NCBP2: variants seen among roughly 807,000 people sequenced by gnomAD.
The protein encoded by NCBP2 is nuclear cap binding protein subunit 2, also known as nuclear cap-binding protein subunit 2.
NCBP2 carries 8 observed loss-of-function variants against 21.5 expected under a neutral mutation model. The ratio of observed to expected loss-of-function variants is 0.37; its 90% CI spans 0.22 to 0.67. NCBP2 has a LOEUF of 0.67. NCBP2 is among the 30% of genes least tolerant of loss of function. The probability of loss-of-function intolerance (pLI) is 0.56; values close to 1 mark genes in which losing one functional copy is unlikely to be tolerated. For missense variants in NCBP2, 127 were observed against 206.9 expected (o/e 0.61, Z 2.37); for synonymous variants, 92 against 75.8 (o/e 1.21, Z -1.11).
At chr3:196,941,687 C>G (rs1022635475) in intron 1 of NCBP2, 1 of 586,500 alleles carries the variant, frequency 1.7e-6, no homozygotes, top group South Asian at 2.1e-5. Flanking sequence ...CCCGCCAACC[C>G]CCAACCGTAT....
At chr3:196,939,102 A>G in intron 2 of NCBP2, 149 bp downstream of exon 2, 1 of 603,448 alleles carries the variant, frequency 1.7e-6, no homozygotes, top group Non-Finnish European at 2.9e-6. Flanking sequence ...AAATAGTATC[A>G]GCTTTACAGT....
chr3:196,937,529 C>T lies in NCBP2; in HGVS notation c.380G>A (p.Arg127His). The change falls in exon 3 of 4, where the codon CGT becomes CAT. Residue 127 changes from arginine (R) to histidine (H), a missense_variant. Physicochemically the swap from Arg to His is conservative, Grantham distance 29. Coordinates refer to ENST00000321256, the MANE Select transcript of NCBP2 (RefSeq NM_007362.5). ...GCATACCTGGCCCCCAGATCGCCCA[C>T]GGCCGTATTGCCTGCCCTCCTTAAA... The part of the protein sequence containing the change: ...AGFKEGRQYG[R>H]GRSGGQVRDE... 1 of 1,614,150 alleles carries T rather than the reference C, an allele frequency of 6.2e-7. No homozygotes were observed. Among genetic ancestry groups the T allele is most frequent in the Non-Finnish European group, 8.5e-7 (1 of 1,180,036 alleles).
chr3:196,937,157 G>T, intron 3 of NCBP2, 75 bp from the exon 4 acceptor site: 2 of 1,370,314 alleles, frequency 1.5e-6, no homozygotes, highest in Non-Finnish European at 2.1e-6. Context: ...AAACATGTTA[G>T]ACAAACAGTG....
At chr3:196,942,228 G>A in intron 1 of NCBP2, 198 bp downstream of exon 1, 1 of 1,461,804 alleles carries the variant, frequency 6.8e-7, no homozygotes, top group South Asian at 1.4e-5. Context: ...CCAGTTCCCC[G>A]TCTTCCAGAG....
At chr3:196,937,113 T>C (rs371947037) in intron 3 of NCBP2, 31 bp from the exon 4 acceptor site, 96 of 1,601,514 alleles carry the variant, frequency 6.0e-5, no homozygotes, top group Non-Finnish European at 7.3e-5. Context: ...AGTTACAGTA[T>C]GGAAAAGAAT....
chr3:196,942,251 G>A, intron 1 of NCBP2, 175 bp downstream of exon 1: 1 of 1,477,004 alleles, frequency 6.8e-7, no homozygotes, highest in Non-Finnish European at 9.0e-7. Flanking sequence ...AGTGGCTTCA[G>A]TGATATCCAA....
Position 196,937,633 on chromosome 3 carries a change from T to C in NCBP2, c.276A>G (p.Ala92=), listed in dbSNP as rs745449455. The C allele has an allele frequency of 4.3e-5, 69 of 1,614,074 alleles. No homozygotes were observed. The highest frequency in any genetic ancestry group is 5.8e-5 in the Non-Finnish European group (68 of 1,180,040). The part of the protein sequence containing the change: ...GFCFVEYYSR[A]DAENAMRYIN... ...TGTACCGCATGGCGTTTTCCGCATC[T>C]GCGCGTGAGTAATATCTTAAGTATT... is the stretch of plus-strand genomic sequence containing the variant. The change falls in exon 3 of 4, where the codon GCA becomes GCG. Residue 92 remains alanine, a synonymous_variant. Coordinates refer to ENST00000321256, the MANE Select transcript of NCBP2 (RefSeq NM_007362.5).
chr3:196,935,930 A>G lies in NCBP2; in HGVS notation c.*1081T>C, dbSNP rs1215853129. ...TCAGTAGGTAAAATTTGAGGAAAAA[A>G]ATGAGAAATGGCTAAAAGAGGCATC... On this transcript the variant is annotated 3_prime_UTR_variant, in exon 4 of 4. Transcript: ENST00000321256. 6.6e-6 allele frequency: 1 copy of G among 152,218 alleles called. No individual in the cohort carries two copies. The highest frequency in any genetic ancestry group is 1.5e-5 in the Non-Finnish European group (1 of 68,052). The allele number at this position is 152,218 out of a possible 1,614,324, so 9.4% of individuals were successfully genotyped here.
At chr3:196,937,916 G>T (rs1716343676) in intron 2 of NCBP2, 2 of 442,934 alleles carry the variant, frequency 4.5e-6, no homozygotes, top group South Asian at 4.8e-5. Flanking sequence ...ATTTTGGTTT[G>T]CAAGTTTAGA....
intron 1 of NCBP2, chr3:196,942,083 C>T (rs1716613711): frequency 4.0e-6 from 6 of 1,510,878 alleles, no homozygotes; most frequent in African/African-American, 1.4e-5. Context: ...GAAGGGCACC[C>T]CTCCCCCTTG....
At chr3:196,941,825 C>T in intron 1 of NCBP2, 3 of 1,304,874 alleles carry the variant, frequency 2.3e-6, no homozygotes, top group Admixed American at 4.5e-5. Flanking sequence ...AGCAATTCTC[C>T]GATCTTTACA....
chr3:196,942,014 A>C (rs1716608820), intron 1 of NCBP2: 1 of 1,536,102 alleles, frequency 6.5e-7, no homozygotes. Context: ...GATTTAAAAA[A>C]CAAAGCAAAA....
At position 196,936,982 on chromosome 3, in the gene NCBP2, G is replaced by A. The variant is rs1560168444; in HGVS notation, c.*29C>T. The A allele has an allele frequency of 2.5e-6, 4 of 1,607,476 alleles. No homozygotes were observed. Among genetic ancestry groups the A allele is most frequent in the Non-Finnish European group, 8.5e-7 (1 of 1,173,922 alleles). ...TCAGCAAATTCAACAGGCCAAAGGA[G>A]TGTTTGTCACTGACAGAGCTCTCAC... On this transcript the variant is annotated 3_prime_UTR_variant, in exon 4 of 4. Transcript: ENST00000321256.
chr3:196,940,408 T>A (rs1235980815), intron 1 of NCBP2, among the ~76,000 whole-genome samples: 3 of 144,402 alleles, frequency 2.1e-5, no homozygotes, highest in African/African-American at 7.5e-5. Flanking sequence ...AGTCATTGTA[T>A]GTTAAAAAGA....
intron 1 of NCBP2, chr3:196,941,724 A>G (rs1025724101): frequency 6.5e-6 from 4 of 616,540 alleles, no homozygotes; most frequent in Non-Finnish European, 1.1e-5. Context: ...CTGATACTGA[A>G]AAGTCTACTT....
rs951701209 is a variant in NCBP2, at chr3:196,941,738, A to G, written c.78+688T>C. ...GCTGATACTGAAAAGTCTACTTTGA[A>G]TATCTGCTGCCTCCCCTTTTTCCAC... On this transcript the variant is annotated intron_variant, in intron 1 of 3. Transcript: ENST00000321256. 7 of 641,754 alleles carry G rather than the reference A, an allele frequency of 1.1e-5. No homozygotes were observed. The African/African-American group carries it at 1.1e-4, about 10-fold the overall frequency. The allele number at this position is 641,754 out of a possible 1,614,324, so 39.8% of individuals were successfully genotyped here.
At chr3:196,942,132 G>T (rs1716617288) in intron 1 of NCBP2, 1 of 1,465,924 alleles carries the variant, frequency 6.8e-7, no homozygotes, top group South Asian at 1.4e-5. Flanking sequence ...GTGGAAACGG[G>T]AGCCGCCACC....
Position 196,938,978 on chromosome 3 carries a change from T to G in NCBP2, c.260+273A>C, listed in dbSNP as rs150272234. The G allele has an allele frequency of 6.5e-3, 2,339 of 360,244 alleles. 31 individuals carry two copies. Among genetic ancestry groups the G allele is most frequent in the African/African-American group, 0.032 (1,482 of 46,174 alleles). The allele number at this position is 360,244 out of a possible 1,614,324, so 22.3% of individuals were successfully genotyped here. On this transcript the variant is annotated intron_variant, in intron 2 of 3. Coordinates refer to ENST00000321256, the MANE Select transcript of NCBP2 (RefSeq NM_007362.5). The stretch of plus-strand genomic sequence containing the variant: ...ATTAGGGGTTTAGAACAGTACGAGA[T>G]TTTTATATTTTCACTACATTCTTTG...
At chr3:196,941,289 A>G (rs1248133110) in intron 1 of NCBP2, 1 of 151,958 alleles carries the variant, frequency 6.6e-6, no homozygotes, top group Admixed American at 6.6e-5. Context: ...ACGGGGTTTC[A>G]CCATCTTGGC....
Sources: gnomAD v4.1 joint callset for allele counts (sites outside exome capture counted in the v4.1 genomes callset) on GRCh38, gnomAD v4.1.1 for gene constraint, MANE v1.5 for transcripts, NCBI Gene and HGNC (gene_info 2026-07-23, HGNC 2026-07-21) for gene names.